Variants in TXNRD1 observed in about 807,000 individuals in gnomAD.
The protein encoded by TXNRD1 is thioredoxin reductase 1, also known as thioredoxin reductase 1, cytoplasmic.
In TXNRD1, 57 loss-of-function variants were observed where a neutral mutation model predicts 80.3. The observed-to-expected ratio is 0.71, with a 90% confidence interval of 0.57 to 0.89. The LOEUF (loss-of-function observed/expected upper bound fraction) is 0.89, where lower values mean the gene tolerates loss of function less well. Ranked by LOEUF, TXNRD1 falls within the 40% of genes least tolerant of loss-of-function variation. The probability of loss-of-function intolerance (pLI) is 0.00; values close to 1 mark genes in which losing one functional copy is unlikely to be tolerated. For missense variants in TXNRD1, 730 were observed against 803.0 expected, an observed-to-expected ratio of 0.91 and a Z score of 1.10; for synonymous variants, 291 against 285.2, an observed-to-expected ratio of 1.02 and a Z score of -0.20.
At chr12:104,232,418 CTGGG>C (rs1420811539) in intron 1 of TXNRD1, among the ~76,000 whole-genome samples, 1 of 152,104 alleles carries the variant, frequency 6.6e-6, no homozygotes, top group Non-Finnish European at 1.5e-5. Context: ...CAAAAATTAG[CTGGG>C]TGTGGTGGTA....
chr12:104,304,194 C>T (rs1442297344), intron 4 of TXNRD1: 1 of 1,613,954 alleles, frequency 6.2e-7, no homozygotes, highest in Non-Finnish European at 8.5e-7. Context: ...AGAGAAGCAG[C>T]CCTCGACGCC....
intron 4 of TXNRD1, among the ~76,000 whole-genome samples, chr12:104,305,755 T>C (rs906482339): frequency 2.6e-5 from 4 of 152,230 alleles, no homozygotes; most frequent in African/African-American, 7.2e-5. Context: ...GATCTTGCTA[T>C]CCAGTTGTAG....
At chr12:104,294,329 C>T (rs1471149097) in intron 4 of TXNRD1, among the ~76,000 whole-genome samples, 7 of 150,658 alleles carry the variant, frequency 4.6e-5, no homozygotes, top group African/African-American at 1.7e-4. Flanking sequence ...CTCTTGGTGA[C>T]GGGCGTCTTC....
In TXNRD1 at chr12:104,303,852, A is replaced by T. The variant is rs1039911397; in HGVS notation, c.415-7438A>T. The T allele has an allele frequency of 2.1e-6, 3 of 1,446,734 alleles. No homozygotes were observed. The South Asian group carries it at 4.3e-5, about 21-fold the overall frequency. The allele number at this position is 1,446,734 out of a possible 1,614,324, so 89.6% of individuals were successfully genotyped here. A position where few individuals can be genotyped will look rare whatever the true frequency, so the allele number is the denominator to read the frequency against. Reference sequence around the variant, plus strand: ...GTTGAAAAAGCTTCCCGGAAGGGAGACGAAGAGAAAGGAGAGGAGCAGCTC... The same window carrying T: ...GTTGAAAAAGCTTCCCGGAAGGGAGTCGAAGAGAAAGGAGAGGAGCAGCTC... On this transcript the variant is annotated intron_variant, in intron 4 of 16. Transcript: ENST00000525566.
intron 3 of TXNRD1, among the ~76,000 whole-genome samples, chr12:104,263,034 A>C (rs2033402447): frequency 6.6e-6 from 1 of 152,192 alleles, no homozygotes; most frequent in African/African-American, 2.4e-5. Context: ...TATTATTTGA[A>C]AACAACCATC....
chr12:104,279,917 G>C lies in TXNRD1; in HGVS notation c.305-9014G>C, dbSNP rs571015638. 2.8e-4 allele frequency among the ~76,000 whole-genome samples: 42 copies of C among 152,072 alleles called. No homozygotes were observed. In the South Asian group the frequency reaches 3.3e-3, roughly 12 times the overall value. On this transcript the variant is annotated intron_variant, in intron 3 of 16. Coordinates refer to ENST00000525566, the MANE Select transcript of TXNRD1 (RefSeq NM_001093771.3). Reference sequence around the variant, plus strand: ...CTCTCTACTGAAAATACAAAAATTAGCTGGGTGTGGTGGCATGCACCTGTA... The same window carrying C: ...CTCTCTACTGAAAATACAAAAATTACCTGGGTGTGGTGGCATGCACCTGTA...
intron 3 of TXNRD1, chr12:104,265,389 C>T: frequency 6.2e-7 from 1 of 1,606,920 alleles, no homozygotes; most frequent in Non-Finnish European, 8.5e-7. Context: ...CGCCGCCCCT[C>T]TACCGCATGC....
chr12:104,339,693 G>T (rs1303172187), intron 16 of TXNRD1, among the ~76,000 whole-genome samples: 2 of 152,214 alleles, frequency 1.3e-5, no homozygotes, highest in Non-Finnish European at 2.9e-5. Context: ...TCAAATGACA[G>T]TAGAACTAGA....
intron 4 of TXNRD1, among the ~76,000 whole-genome samples, chr12:104,297,286 CAA>C (rs1236333815): frequency 8.5e-6 from 1 of 117,678 alleles, no homozygotes; most frequent in Non-Finnish European, 1.7e-5. Flanking sequence ...GCCTGGGCAA[CAA>C]GAGTGAAACT....
intron 3 of TXNRD1, among the ~76,000 whole-genome samples, chr12:104,259,702 G>A (rs554698830): frequency 6.6e-6 from 1 of 151,798 alleles, no homozygotes; most frequent in East Asian, 2.0e-4. Flanking sequence ...TGTTGAGGCT[G>A]GTCTCGAACT....
intron 14 of TXNRD1, among the ~76,000 whole-genome samples, chr12:104,333,769 T>G (rs1289980093): frequency 6.6e-6 from 1 of 152,104 alleles, no homozygotes; most frequent in Non-Finnish European, 1.5e-5. Flanking sequence ...TTCATTGCTT[T>G]TAGTGAATAA....
chr12:104,284,015 T>C (rs1468561857), intron 3 of TXNRD1, among the ~76,000 whole-genome samples: 1 of 152,206 alleles, frequency 6.6e-6, no homozygotes, highest in Non-Finnish European at 1.5e-5. Context: ...AGGCAGAGAA[T>C]ATGGCAGCTT....
At chr12:104,252,276 G>A (rs1374319710) in intron 2 of TXNRD1, among the ~76,000 whole-genome samples, 2 of 151,808 alleles carry the variant, frequency 1.3e-5, no homozygotes, top group African/African-American at 2.4e-5. Context: ...ATGTCTGTAG[G>A]GAATATTTCA....
intron 4 of TXNRD1, among the ~76,000 whole-genome samples, chr12:104,296,901 C>T (rs910278189): frequency 2.0e-5 from 3 of 152,212 alleles, no homozygotes; most frequent in African/African-American, 7.2e-5. Flanking sequence ...AACAAAGTCA[C>T]TTCACATCTA....
At chr12:104,334,130 A>G in intron 14 of TXNRD1, 107 bp from the exon 15 acceptor site, 1 of 448,032 alleles carries the variant, frequency 2.2e-6, no homozygotes. Context: ...TTTATTATTT[A>G]ATGAAAGTCT....
chr12:104,267,600 ATG>A (rs2033532480), intron 3 of TXNRD1, among the ~76,000 whole-genome samples: 1 of 150,366 alleles, frequency 6.7e-6, no homozygotes, highest in Admixed American at 6.6e-5. Context: ...CTTATGTATA[ATG>A]TTCATGGTGT....
At chr12:104,260,497 A>T (rs769736761) in intron 3 of TXNRD1, among the ~76,000 whole-genome samples, 4 of 151,978 alleles carry the variant, frequency 2.6e-5, no homozygotes, top group Admixed American at 1.3e-4. Context: ...AACACAAAAA[A>T]CAACAACAAC....
chr12:104,309,524 C>G (rs917966738), intron 4 of TXNRD1, among the ~76,000 whole-genome samples: 2 of 152,116 alleles, frequency 1.3e-5, no homozygotes, highest in Admixed American at 6.6e-5. Context: ...TTTAGACAGC[C>G]AGTTATTGTG....
At chr12:104,278,543 C>T (rs1475298462) in intron 3 of TXNRD1, among the ~76,000 whole-genome samples, 2 of 142,038 alleles carry the variant, frequency 1.4e-5, no homozygotes, top group African/African-American at 2.7e-5. Context: ...ACTCTGTCAC[C>T]CAGGCTGGAG....
Sources: allele counts gnomAD v4.1 joint callset (sites outside exome capture counted in the v4.1 genomes callset), GRCh38; gene constraint gnomAD v4.1.1; transcripts MANE v1.5; gene names NCBI Gene and HGNC (gene_info 2026-07-23, HGNC 2026-07-21).